Variants in ARIH2 observed in about 807,000 individuals in gnomAD.
ARIH2 encodes E3 ubiquitin-protein ligase ARIH2.
Under a neutral mutation model 79.8 loss-of-function variants are expected in ARIH2, and 12 were observed. The observed-to-expected ratio is 0.15, with a 90% CI of 0.10 to 0.24. ARIH2 has a LOEUF of 0.24. ARIH2 is among the 10% of genes least tolerant of loss of function. The pLI is 1.00. For missense variants in ARIH2, 301 were observed against 618.3 expected, an observed-to-expected ratio of 0.49 and a Z score of 5.44; for synonymous variants, 224 against 213.9, an observed-to-expected ratio of 1.05 and a Z score of -0.41.
chr3:48,967,032 G>A (rs2091846669), intron 5 of ARIH2, 93 bp from the exon 6 acceptor site: 5 of 1,349,078 alleles, frequency 3.7e-6, no homozygotes, highest in African/African-American at 2.9e-5. Context: ...TGCAGGGTGA[G>A]GATCACTTTC....
At chr3:48,971,363 G>T (rs573661813) in intron 8 of ARIH2, among the ~76,000 whole-genome samples, 1 of 152,312 alleles carries the variant, frequency 6.6e-6, no homozygotes, top group East Asian at 1.9e-4. Context: ...TCCTGCCTCA[G>T]CCTCCTGAGT....
intron 3 of ARIH2, chr3:48,945,308 A>G: frequency 1.3e-6 from 1 of 750,590 alleles, no homozygotes; most frequent in Non-Finnish European, 1.9e-6. Flanking sequence ...AGCCAGCTAG[A>G]GGAGACTAAA....
intron 2 of ARIH2, among the ~76,000 whole-genome samples, chr3:48,926,560 G>A (rs540130084): frequency 3.7e-4 from 55 of 150,508 alleles, no homozygotes; most frequent in Non-Finnish European, 6.4e-4. Context: ...GTGAGCCACC[G>A]CACCCGGCCA....
chr3:48,944,116 A>G (rs1394923313), intron 3 of ARIH2, among the ~76,000 whole-genome samples: 1 of 152,152 alleles, frequency 6.6e-6, no homozygotes, highest in African/African-American at 2.4e-5. Flanking sequence ...GTCCTTCTCA[A>G]AAAGTTTCCA....
At chr3:48,933,369 C>T (rs979002303) in intron 3 of ARIH2, among the ~76,000 whole-genome samples, 2 of 151,146 alleles carry the variant, frequency 1.3e-5, no homozygotes, top group African/African-American at 4.9e-5. Flanking sequence ...TGCCATGTTA[C>T]CCAGGCTGGT....
chr3:48,974,671 C>A, intron 9 of ARIH2, 146 bp from the exon 10 acceptor site: 1 of 767,906 alleles, frequency 1.3e-6, no homozygotes, highest in Non-Finnish European at 2.3e-6. Context: ...CCAGCCTCAG[C>A]GACCTGCCAC....
At position 48,938,046 on chromosome 3, in the gene ARIH2, CA is replaced by C. The variant is rs5848862; in HGVS notation, c.255+10252del. 5.7e-3 allele frequency among the ~76,000 whole-genome samples: 608 copies of C among 105,872 alleles called. 2 individuals carry two copies. The highest frequency in any genetic ancestry group is 0.015 in the African/African-American group (395 of 26,282). 69.5% of individuals were successfully genotyped at this position (105,872 alleles called of 152,430 possible). A position where few individuals can be genotyped will look rare whatever the true frequency, so the allele number is the denominator to read the frequency against. Reference sequence around the variant, plus strand: ...TGGGCGACAGAGCCAGACTCCGTCTCAAAAAAAAAAAAAAAAAAATGGGTTC... The same window carrying C: ...TGGGCGACAGAGCCAGACTCCGTCTCAAAAAAAAAAAAAAAAAATGGGTTC... On this transcript the variant is annotated intron_variant, in intron 3 of 15. Transcript: ENST00000356401.
intron 2 of ARIH2, among the ~76,000 whole-genome samples, chr3:48,926,152 T>C (rs2085560037): frequency 6.6e-6 from 1 of 152,242 alleles, no homozygotes; most frequent in African/African-American, 2.4e-5. Context: ...ACTGTTTCAC[T>C]TTCTCAACTA....
At chr3:48,977,842 A>C (rs2092590713) in intron 11 of ARIH2, among the ~76,000 whole-genome samples, 1 of 152,182 alleles carries the variant, frequency 6.6e-6, no homozygotes, top group African/African-American at 2.4e-5. Flanking sequence ...GGCTCCCAGG[A>C]GGAGAAAAAT....
At chr3:48,935,679 A>G (rs563264375) in intron 3 of ARIH2, among the ~76,000 whole-genome samples, 34 of 152,182 alleles carry the variant, frequency 2.2e-4, no homozygotes, top group Non-Finnish European at 3.8e-4. Context: ...CTCCTTCACA[A>G]CATTAAATGT....
chr3:48,975,887 A>G (rs2092470029), intron 11 of ARIH2, among the ~76,000 whole-genome samples: 1 of 150,134 alleles, frequency 6.7e-6, no homozygotes, highest in African/African-American at 2.5e-5. Context: ...GTAAGGGCCT[A>G]TGCAAATGCT....
intron 3 of ARIH2, among the ~76,000 whole-genome samples, chr3:48,947,441 CAAAA>C (rs71077757): frequency 8.4e-6 from 1 of 118,992 alleles, no homozygotes; most frequent in Non-Finnish European, 1.7e-5. Context: ...AACTCTGTCT[CAAAA>C]AAAAAAAAAA....
At chr3:48,922,697 A>G (rs900382513) in intron 1 of ARIH2, 51 bp from the exon 2 acceptor site, 1 of 152,208 alleles carries the variant, frequency 6.6e-6, no homozygotes, top group African/African-American at 2.4e-5. Context: ...ATAAACTTGC[A>G]AAAGCAGTAT....
chr3:48,958,023 G>GT (rs998620620), intron 3 of ARIH2, among the ~76,000 whole-genome samples: 1 of 152,050 alleles, frequency 6.6e-6, no homozygotes, highest in African/African-American at 2.4e-5. Flanking sequence ...CCCACTTCAT[G>GT]TTTTTTAAAA....
chr3:48,956,865 C>T (rs2090653102), intron 3 of ARIH2, among the ~76,000 whole-genome samples: 1 of 152,028 alleles, frequency 6.6e-6, no homozygotes, highest in South Asian at 2.1e-4. Flanking sequence ...CGCCACTACG[C>T]CCAGCTAATT....
At chr3:48,958,271 T>C (rs1003629775) in intron 3 of ARIH2, among the ~76,000 whole-genome samples, 14 of 152,000 alleles carry the variant, frequency 9.2e-5, no homozygotes, top group Admixed American at 7.2e-4. Flanking sequence ...CAGTGAGATA[T>C]GATCATGCCA....
At chr3:48,928,087 C>T in intron 3 of ARIH2, 1 of 421,742 alleles carries the variant, frequency 2.4e-6, no homozygotes, top group Non-Finnish European at 4.3e-6. Context: ...TGTGTAGTAG[C>T]AGAATTGCAC....
At chr3:48,953,199 G>A (rs1189449349) in intron 3 of ARIH2, among the ~76,000 whole-genome samples, 2 of 152,150 alleles carry the variant, frequency 1.3e-5, no homozygotes, top group Non-Finnish European at 2.9e-5. Flanking sequence ...CAAAGTGCTG[G>A]CATTACAGGT....
chr3:48,980,525 T>G (rs761759273), intron 13 of ARIH2, 29 bp downstream of exon 13: 9 of 1,610,104 alleles, frequency 5.6e-6, no homozygotes, highest in South Asian at 1.1e-5. Context: ...ATCTTATCCC[T>G]GGTCCAGTGC....
Sources: gnomAD v4.1 joint callset for allele counts (sites outside exome capture counted in the v4.1 genomes callset) on GRCh38, gnomAD v4.1.1 for gene constraint, MANE v1.5 for transcripts, NCBI Gene and HGNC (gene_info 2026-07-23, HGNC 2026-07-21) for gene names.